NR3C2: variants seen among roughly 807,000 people sequenced by gnomAD.
The protein encoded by NR3C2 is nuclear receptor subfamily 3 group C member 2, also known as mineralocorticoid receptor.
NR3C2 carries 15 observed loss-of-function variants against 86.4 expected under a neutral mutation model. The observed-to-expected ratio is 0.17, with a 90% CI of 0.12 to 0.27. The LOEUF (loss-of-function observed/expected upper bound fraction) is 0.27. NR3C2 is among the 10% of genes least tolerant of loss of function. NR3C2 has a pLI of 1.00. For synonymous variants in NR3C2, 458 were observed against 450.5 expected, an observed-to-expected ratio of 1.02 and a Z score of -0.21; for missense variants, 960 against 1,195.6, an observed-to-expected ratio of 0.80 and a Z score of 2.91.
At chr4:148,429,899 A>G (rs955883595) in intron 2 of NR3C2, among the ~76,000 whole-genome samples, 2 of 152,216 alleles carry the variant, frequency 1.3e-5, no homozygotes, top group African/African-American at 4.8e-5. Flanking sequence ...CAGTGGGGGT[A>G]TATTTTTATC....
chr4:148,184,178 C>T (rs952359433), intron 4 of NR3C2, among the ~76,000 whole-genome samples: 5 of 151,872 alleles, frequency 3.3e-5, no homozygotes, highest in Admixed American at 6.6e-5. Flanking sequence ...AGGCTGGGTG[C>T]GGTAGCTCAC....
intron 2 of NR3C2, among the ~76,000 whole-genome samples, chr4:148,263,139 C>G (rs1377942594): frequency 6.6e-6 from 1 of 152,210 alleles, no homozygotes; most frequent in Non-Finnish European, 1.5e-5. Context: ...ACAATCCTAG[C>G]TTCAAACAGC....
intron 2 of NR3C2, among the ~76,000 whole-genome samples, chr4:148,269,915 T>A (rs926121726): frequency 6.6e-6 from 1 of 152,222 alleles, no homozygotes; most frequent in Admixed American, 6.5e-5. Context: ...TATGTACACA[T>A]GTGTATGTGA....
chr4:148,224,815 T>C (rs1404513888), intron 3 of NR3C2, among the ~76,000 whole-genome samples: 2 of 152,158 alleles, frequency 1.3e-5, no homozygotes. Flanking sequence ...AGAAGAAACA[T>C]TACATCTGAT....
At chr4:148,415,506 C>A (rs1345046429) in intron 2 of NR3C2, among the ~76,000 whole-genome samples, 4 of 152,122 alleles carry the variant, frequency 2.6e-5, no homozygotes, top group African/African-American at 9.7e-5. Context: ...ATAGATGTTA[C>A]AACAAATGGC....
At chr4:148,092,348 C>T (rs919443396) in intron 8 of NR3C2, among the ~76,000 whole-genome samples, 7 of 152,154 alleles carry the variant, frequency 4.6e-5, no homozygotes, top group Non-Finnish European at 5.9e-5. Flanking sequence ...GTCCTATTTA[C>T]GGTGCAGCTC....
intron 3 of NR3C2, among the ~76,000 whole-genome samples, chr4:148,257,351 G>T (rs941808484): frequency 1.3e-5 from 2 of 152,134 alleles, no homozygotes; most frequent in Admixed American, 1.3e-4. Flanking sequence ...CTTTATTAGA[G>T]TCAAGGAGGC....
Position 148,436,197 on chromosome 4 carries a change from T to A in NR3C2, c.664A>T (p.Ser222Cys), listed in dbSNP as rs374672844. The A allele has an allele frequency of 1.2e-6, 2 of 1,614,154 alleles. No individual in the cohort carries two copies. Among genetic ancestry groups the A allele is most frequent in the Non-Finnish European group, 1.7e-6 (2 of 1,180,014 alleles). The change falls in exon 2 of 9, where the codon AGT (serine) becomes TGT (cysteine). Residue 222 changes from serine (S) to cysteine (C), a missense_variant. Transcript: ENST00000358102. ...SVSSTTASFG[S>C]FPVHSPITQG... Reference sequence around the variant, plus strand: ...GTGATTGGGCTGTGCACTGGAAAACTGCCAAAGCTGGCTGTGGTGGAGGAC... The same window carrying A: ...GTGATTGGGCTGTGCACTGGAAAACAGCCAAAGCTGGCTGTGGTGGAGGAC...
intron 2 of NR3C2, among the ~76,000 whole-genome samples, chr4:148,392,741 A>G (rs1397574335): frequency 6.6e-6 from 1 of 152,236 alleles, no homozygotes; most frequent in Non-Finnish European, 1.5e-5. Context: ...AAAGTATTTT[A>G]CCAAAATAAA....
chr4:148,347,432 C>G (rs1380485162), intron 2 of NR3C2, among the ~76,000 whole-genome samples: 1 of 152,004 alleles, frequency 6.6e-6, no homozygotes, highest in Non-Finnish European at 1.5e-5. Flanking sequence ...CTCCTTTCAC[C>G]CCTTCTATTG....
At chr4:148,107,492 C>T (rs547818036) in intron 8 of NR3C2, among the ~76,000 whole-genome samples, 1 of 152,334 alleles carries the variant, frequency 6.6e-6, no homozygotes, top group East Asian at 1.9e-4. Flanking sequence ...AATCCCATTA[C>T]TGGGTATATA....
At chr4:148,421,028 C>T (rs933210755) in intron 2 of NR3C2, among the ~76,000 whole-genome samples, 1 of 152,170 alleles carries the variant, frequency 6.6e-6, no homozygotes, top group Non-Finnish European at 1.5e-5. Flanking sequence ...AATACAAGAA[C>T]AGACTAATAC....
chr4:148,349,244 G>A (rs986406343), intron 2 of NR3C2, among the ~76,000 whole-genome samples: 4 of 152,010 alleles, frequency 2.6e-5, no homozygotes, highest in African/African-American at 7.2e-5. Flanking sequence ...TACAAACGAC[G>A]CAAAATGAGT....
At chr4:148,243,043 T>C (rs1579058826) in intron 3 of NR3C2, among the ~76,000 whole-genome samples, 1 of 148,538 alleles carries the variant, frequency 6.7e-6, no homozygotes, top group African/African-American at 2.5e-5. Flanking sequence ...TTTTTTTTAA[T>C]TTTTAGAGAC....
intron 2 of NR3C2, among the ~76,000 whole-genome samples, chr4:148,355,479 C>G (rs1450585238): frequency 6.6e-6 from 1 of 152,186 alleles, no homozygotes; most frequent in African/African-American, 2.4e-5. Flanking sequence ...TCTTTTCAGA[C>G]AGCTGACTGC....
chr4:148,168,907 A>C (rs972420847), intron 4 of NR3C2, among the ~76,000 whole-genome samples: 2 of 152,018 alleles, frequency 1.3e-5, no homozygotes, highest in African/African-American at 4.8e-5. Flanking sequence ...GTAATCACGT[A>C]CCAAAAATAT....
intron 2 of NR3C2, among the ~76,000 whole-genome samples, chr4:148,365,979 T>A (rs1251700185): frequency 6.6e-6 from 1 of 152,044 alleles, no homozygotes; most frequent in Non-Finnish European, 1.5e-5. Context: ...ACAAAAGTTA[T>A]CCGTAATATC....
At chr4:148,154,402 A>G (rs1476153362) in intron 5 of NR3C2, 149 bp downstream of exon 5, 1 of 786,714 alleles carries the variant, frequency 1.3e-6, no homozygotes, top group African/African-American at 1.7e-5. Flanking sequence ...TTTTTCCTAT[A>G]CACTTGATCA....
intron 2 of NR3C2, among the ~76,000 whole-genome samples, chr4:148,373,127 T>C (rs1436708047): frequency 6.6e-6 from 1 of 152,218 alleles, no homozygotes; most frequent in Non-Finnish European, 1.5e-5. Flanking sequence ...TTTGTCTTTC[T>C]AAGGGAAGCC....
Sources: allele counts gnomAD v4.1 joint callset (sites outside exome capture counted in the v4.1 genomes callset), GRCh38; gene constraint gnomAD v4.1.1; transcripts MANE v1.5; gene names NCBI Gene and HGNC (gene_info 2026-07-23, HGNC 2026-07-21).